TASP1: variants seen among roughly 807,000 people sequenced by gnomAD.
TASP1 encodes the protein threonine aspartase 1.
Under a neutral mutation model 56.6 loss-of-function variants are expected in TASP1, and 16 were observed. The ratio of observed to expected loss-of-function variants is 0.28; its 90% CI spans 0.19 to 0.43. The LOEUF (loss-of-function observed/expected upper bound fraction) is 0.43. Among genes scored for constraint, TASP1 ranks in the 20% least tolerant of loss-of-function variants. The pLI, the probability that TASP1 is intolerant of heterozygous loss-of-function variation, is 1.00. For missense variants in TASP1, 393 were observed against 511.6 expected, an observed-to-expected ratio of 0.77 and a Z score of 2.24; for synonymous variants, 179 against 184.2, an observed-to-expected ratio of 0.97 and a Z score of 0.23.
At chr20:13,226,787 A>G in the TASP1 span, among the ~76,000 whole-genome samples, 1 of 152,226 alleles carries the variant, frequency 6.6e-6, no homozygotes, top group African/African-American at 2.4e-5. Context: ...TGCAAGACCT[A>G]TTGATGAGTT....
the TASP1 span, among the ~76,000 whole-genome samples, chr20:13,341,781 G>C: frequency 6.6e-6 from 1 of 152,172 alleles, no homozygotes; most frequent in Non-Finnish European, 1.5e-5. Context: ...GCTTGGCCAG[G>C]CTCTCTCATG....
chr20:13,492,334 A>G (rs2043563259), intron 10 of TASP1, among the ~76,000 whole-genome samples: 1 of 152,186 alleles, frequency 6.6e-6, no homozygotes, highest in Non-Finnish European at 1.5e-5. Context: ...ATTTAAAAGG[A>G]AACATTTGGT....
chr20:13,173,180 C>T, the TASP1 span, among the ~76,000 whole-genome samples: 1 of 152,198 alleles, frequency 6.6e-6, no homozygotes. Flanking sequence ...GCCCTATTTC[C>T]AAGATCTCAG....
chr20:13,584,251 A>G (rs1202376443), intron 5 of TASP1, among the ~76,000 whole-genome samples: 1 of 152,270 alleles, frequency 6.6e-6, no homozygotes, highest in East Asian at 1.9e-4. Flanking sequence ...TAAACTATAC[A>G]TATGTTAGAA....
the TASP1 span, among the ~76,000 whole-genome samples, chr20:13,246,868 T>A: frequency 1.3e-5 from 2 of 152,176 alleles, no homozygotes; most frequent in Non-Finnish European, 2.9e-5. Flanking sequence ...TGCATTGTAA[T>A]TAATATCCTT....
intron 8 of TASP1, among the ~76,000 whole-genome samples, chr20:13,551,582 G>T (rs1313362127): frequency 1.3e-5 from 2 of 152,068 alleles, no homozygotes; most frequent in Non-Finnish European, 2.9e-5. Flanking sequence ...GTTTGAAACT[G>T]ATATTTATGA....
chr20:13,544,100 G>A (rs1288360609), intron 8 of TASP1, among the ~76,000 whole-genome samples: 1 of 152,066 alleles, frequency 6.6e-6, no homozygotes, highest in African/African-American at 2.4e-5. Context: ...GTGCCCTTTA[G>A]TCTATTGTTC....
At chr20:13,343,751 C>G in the TASP1 span, among the ~76,000 whole-genome samples, 1 of 152,208 alleles carries the variant, frequency 6.6e-6, no homozygotes, top group African/African-American at 2.4e-5. Flanking sequence ...CTGCAATTCC[C>G]ATTCGCCAAG....
the TASP1 span, among the ~76,000 whole-genome samples, chr20:13,365,575 A>AGTG: frequency 6.6e-6 from 1 of 152,168 alleles, no homozygotes; most frequent in Non-Finnish European, 1.5e-5. Context: ...AGTCACAGGG[A>AGTG]GTGACAGGTG....
At chr20:13,454,463 C>G in intron 11 of TASP1, among the ~76,000 whole-genome samples, 1 of 152,100 alleles carries the variant, frequency 6.6e-6, no homozygotes, top group East Asian at 1.9e-4. Flanking sequence ...CACCACAGTA[C>G]TTAGTATATG....
intron 13 of TASP1, among the ~76,000 whole-genome samples, chr20:13,393,869 G>A (rs1433406779): frequency 6.6e-5 from 10 of 150,754 alleles, no homozygotes; most frequent in Admixed American, 4.6e-4. Flanking sequence ...AGTCCCCTGC[G>A]CTCAGCCAAA....
At chr20:13,585,211 G>C (rs1601342169) in intron 5 of TASP1, among the ~76,000 whole-genome samples, 1 of 152,248 alleles carries the variant, frequency 6.6e-6, no homozygotes, top group East Asian at 1.9e-4. Context: ...AAATTAATCT[G>C]AGCTTGATAA....
chr20:13,562,010 G>C (rs1193083815), intron 7 of TASP1, among the ~76,000 whole-genome samples: 2 of 152,116 alleles, frequency 1.3e-5, no homozygotes, highest in Non-Finnish European at 2.9e-5. Context: ...GTTCACTTGG[G>C]ACATTTTTCC....
At chr20:13,350,352 C>G in the TASP1 span, among the ~76,000 whole-genome samples, 30 of 152,002 alleles carry the variant, frequency 2.0e-4, no homozygotes, top group Non-Finnish European at 3.2e-4. Flanking sequence ...AATTGCCATC[C>G]CAGTTAACAA....
intron 12 of TASP1, among the ~76,000 whole-genome samples, chr20:13,418,653 C>CA (rs2042339821): frequency 6.6e-6 from 1 of 152,158 alleles, no homozygotes; most frequent in Non-Finnish European, 1.5e-5. Flanking sequence ...AGTATCTCTC[C>CA]AAAAAATTCT....
chr20:13,320,858 G>A, the TASP1 span, among the ~76,000 whole-genome samples: 3 of 152,128 alleles, frequency 2.0e-5, no homozygotes, highest in African/African-American at 7.2e-5. Context: ...CCATTGACTA[G>A]AACGTAGTCA....
chr20:13,511,818 A>G (rs1184303882), intron 10 of TASP1, among the ~76,000 whole-genome samples: 2 of 130,664 alleles, frequency 1.5e-5, no homozygotes. Flanking sequence ...AAGTGTTCTC[A>G]TTGTTCAATT....
the TASP1 span, among the ~76,000 whole-genome samples, chr20:13,115,488 G>A: frequency 6.6e-6 from 1 of 151,930 alleles, no homozygotes; most frequent in South Asian, 2.1e-4. Context: ...TTTGGCTTCT[G>A]TCAAATTCAG....
At chr20:13,210,363 C>T in the TASP1 span, among the ~76,000 whole-genome samples, 4 of 152,072 alleles carry the variant, frequency 2.6e-5, no homozygotes, top group African/African-American at 4.8e-5. Flanking sequence ...TGTCTGTATA[C>T]TTCTTAATGG....
Sources: gnomAD v4.1 joint callset for allele counts (sites outside exome capture counted in the v4.1 genomes callset) on GRCh38, gnomAD v4.1.1 for gene constraint, MANE v1.5 for transcripts, NCBI Gene and HGNC (gene_info 2026-07-23, HGNC 2026-07-21) for gene names.